TMEM117: variants seen among roughly 807,000 people sequenced by gnomAD.
The protein encoded by TMEM117 is transmembrane protein 117.
TMEM117 carries 27 observed loss-of-function variants against 52.4 expected under a neutral mutation model. The ratio of observed to expected loss-of-function variants is 0.51; its 90% CI spans 0.38 to 0.71. The LOEUF (loss-of-function observed/expected upper bound fraction) is 0.71, where lower values mean the gene tolerates loss of function less well. Among genes scored for constraint, TMEM117 ranks in the 30% least tolerant of loss-of-function variants. TMEM117 has a pLI of 0.00. For synonymous variants in TMEM117, 215 were observed against 206.3 expected (o/e 1.04, Z -0.36); for missense variants, 556 against 630.5 (o/e 0.88, Z 1.26).
chr12:44,139,195 A>T (rs1368095869), intron 3 of TMEM117, among the ~76,000 whole-genome samples: 1 of 152,070 alleles, frequency 6.6e-6, no homozygotes, highest in Non-Finnish European at 1.5e-5. Flanking sequence ...TGGTTTGGTG[A>T]TCTGTGTGTA....
chr12:43,830,485 CTG>C, the TMEM117 span, among the ~76,000 whole-genome samples: 6 of 151,856 alleles, frequency 4.0e-5, no homozygotes, highest in African/African-American at 1.5e-4. Flanking sequence ...TGGTGCACGC[CTG>C]TAATCGCAGC....
At chr12:44,101,242 T>C (rs1947856083) in intron 3 of TMEM117, among the ~76,000 whole-genome samples, 1 of 150,922 alleles carries the variant, frequency 6.6e-6, no homozygotes, top group African/African-American at 2.4e-5. Flanking sequence ...ATACATATGT[T>C]CAACATAATC....
chr12:44,095,740 T>C (rs1357199198), intron 3 of TMEM117, among the ~76,000 whole-genome samples: 8 of 152,122 alleles, frequency 5.3e-5, no homozygotes, highest in African/African-American at 1.7e-4. Flanking sequence ...GTGGCCAAGT[T>C]GGAATTATAC....
At chr12:43,986,880 A>G (rs1945856203) in intron 3 of TMEM117, among the ~76,000 whole-genome samples, 1 of 152,144 alleles carries the variant, frequency 6.6e-6, no homozygotes, top group South Asian at 2.1e-4. Flanking sequence ...CCTACCAATT[A>G]GATTTTAAAT....
chr12:43,806,684 A>G, the TMEM117 span, among the ~76,000 whole-genome samples: 1 of 152,266 alleles, frequency 6.6e-6, no homozygotes, highest in East Asian at 1.9e-4. Flanking sequence ...AGATGTGCAC[A>G]TTATTTTTCT....
At chr12:43,865,695 CCAAAAAAA>C (rs1346005902) in intron 2 of TMEM117, among the ~76,000 whole-genome samples, 2 of 145,982 alleles carry the variant, frequency 1.4e-5, no homozygotes, top group Non-Finnish European at 3.0e-5. Flanking sequence ...AGACTCCGTC[CCAAAAAAA>C]GAAAAAAAGA....
chr12:44,067,579 C>A (rs892466256), intron 3 of TMEM117, among the ~76,000 whole-genome samples: 1 of 152,018 alleles, frequency 6.6e-6, no homozygotes, highest in Non-Finnish European at 1.5e-5. Context: ...AATATTATGG[C>A]GGTAATATTT....
In TMEM117 at chr12:44,216,103, G is replaced by T. The variant is rs562945220; in HGVS notation, c.608+4716G>T. On this transcript the variant is annotated intron_variant, in intron 5 of 7. Transcript: ENST00000266534. ...GCTCACTGCAACTTGTGCCTCCTGG[G>T]TGCAAGAGATTCTCCTGCCTCAGAC... 2.0e-5 allele frequency among the ~76,000 whole-genome samples: 3 copies of T among 150,438 alleles called. No individual in the cohort carries two copies. In the East Asian group the frequency reaches 5.9e-4, roughly 29 times the overall value.
At chr12:44,261,096 A>G (rs1331983065) in intron 5 of TMEM117, among the ~76,000 whole-genome samples, 1 of 152,046 alleles carries the variant, frequency 6.6e-6, no homozygotes, top group Non-Finnish European at 1.5e-5. Context: ...TGCGTATTGG[A>G]TCTTTGGTCC....
At chr12:44,164,899 C>T (rs1437517241) in intron 4 of TMEM117, among the ~76,000 whole-genome samples, 1 of 152,154 alleles carries the variant, frequency 6.6e-6, no homozygotes, top group African/African-American at 2.4e-5. Flanking sequence ...GCACCTCTAA[C>T]ATTTATCATT....
chr12:44,317,368 T>C (rs560744026), intron 6 of TMEM117, among the ~76,000 whole-genome samples: 3 of 151,496 alleles, frequency 2.0e-5, no homozygotes, highest in Non-Finnish European at 2.9e-5. Flanking sequence ...TTGGCTAGGG[T>C]CTTTTGGCTT....
At chr12:43,900,314 G>A (rs555372576) in intron 2 of TMEM117, among the ~76,000 whole-genome samples, 206 of 152,288 alleles carry the variant, frequency 1.4e-3, no homozygotes, top group Non-Finnish European at 2.5e-3. Context: ...GGAAGTTACA[G>A]CAGCGACCAC....
chr12:44,262,561 T>A, intron 5 of TMEM117, among the ~76,000 whole-genome samples: 1 of 152,220 alleles, frequency 6.6e-6, no homozygotes, highest in East Asian at 1.9e-4. Flanking sequence ...AAGTTTCATG[T>A]GATTTGCTGT....
chr12:44,165,473 C>G (rs1948953543), intron 4 of TMEM117, among the ~76,000 whole-genome samples: 1 of 151,982 alleles, frequency 6.6e-6, no homozygotes, highest in African/African-American at 2.4e-5. Flanking sequence ...CTATATGCAG[C>G]CTAAAGAAAT....
intron 2 of TMEM117, among the ~76,000 whole-genome samples, chr12:43,875,999 A>G (rs1446951047): frequency 6.6e-6 from 1 of 152,114 alleles, no homozygotes; most frequent in Non-Finnish European, 1.5e-5. Flanking sequence ...CCTTGTTGGG[A>G]TAGTTTTGAT....
intron 7 of TMEM117, among the ~76,000 whole-genome samples, chr12:44,387,424 CT>C (rs1952104450): frequency 6.6e-6 from 1 of 151,764 alleles, no homozygotes; most frequent in South Asian, 2.1e-4. Flanking sequence ...ACATTTATGT[CT>C]GATAAATGCA....
At chr12:44,241,091 A>G (rs1037636738) in intron 5 of TMEM117, among the ~76,000 whole-genome samples, 10 of 152,018 alleles carry the variant, frequency 6.6e-5, no homozygotes, top group Non-Finnish European at 1.5e-5. Flanking sequence ...CATATAACCC[A>G]TGCACATCCT....
At chr12:44,281,431 A>T (rs1950575365) in intron 5 of TMEM117, among the ~76,000 whole-genome samples, 2 of 152,056 alleles carry the variant, frequency 1.3e-5, no homozygotes, top group Non-Finnish European at 2.9e-5. Context: ...TCTTCAAGAG[A>T]TGTTTGAGAT....
chr12:44,166,854 T>G (rs1948974348), intron 4 of TMEM117, among the ~76,000 whole-genome samples: 1 of 152,236 alleles, frequency 6.6e-6, no homozygotes, highest in Non-Finnish European at 1.5e-5. Context: ...TTTACAAGGC[T>G]TGTTATCAAA....
Sources: allele counts gnomAD v4.1 joint callset (sites outside exome capture counted in the v4.1 genomes callset), GRCh38; gene constraint gnomAD v4.1.1; transcripts MANE v1.5; gene names NCBI Gene and HGNC (gene_info 2026-07-23, HGNC 2026-07-21).